Variants in PHACTR3 observed in about 807,000 individuals in gnomAD.
PHACTR3 encodes the protein phosphatase and actin regulator 3.
A neutral mutation model predicts 66.8 loss-of-function variants in PHACTR3; 16 were observed. That is an observed-to-expected ratio of 0.24 (90% confidence interval 0.16 to 0.36). PHACTR3 has a LOEUF of 0.36. Ranked by LOEUF, PHACTR3 falls within the 10% of genes least tolerant of loss-of-function variation. PHACTR3 has a pLI of 1.00. For missense variants in PHACTR3, 647 were observed against 719.9 expected, an observed-to-expected ratio of 0.90 and a Z score of 1.16; for synonymous variants, 323 against 292.1, an observed-to-expected ratio of 1.11 and a Z score of -1.08.
chr20:59,769,246 C>T (rs1459460285), intron 5 of PHACTR3, among the ~76,000 whole-genome samples: 1 of 152,210 alleles, frequency 6.6e-6, no homozygotes, highest in African/African-American at 2.4e-5. Flanking sequence ...AATGGTGTCA[C>T]CCCAAAATTC....
At chr20:59,822,315 A>T (rs528669958) in intron 8 of PHACTR3, among the ~76,000 whole-genome samples, 2 of 125,240 alleles carry the variant, frequency 1.6e-5, no homozygotes, top group Non-Finnish European at 3.3e-5. Context: ...TCAGCAACAG[A>T]TGTTTCCTGA....
rs201118563 is a variant in PHACTR3, at chr20:59,767,334, C to A, written c.690C>A (p.Ser230Arg). 2.3e-4 allele frequency: 370 copies of A among 1,614,010 alleles called. No homozygotes were observed. The highest frequency in any genetic ancestry group is 2.7e-4 in the Non-Finnish European group (322 of 1,180,040). The change falls in exon 5 of 13, where the codon AGC (serine) becomes AGA (arginine). Residue 230 changes from serine to arginine, a missense_variant. By Grantham distance (110) the Ser-to-Arg change is moderately radical. Transcript: ENST00000371015. ...AGAGATCCGTGGGCCAGCTCCCCAG[C>A]CCCCCACTGCTGCCCACTCCGCCAC... Reference protein sequence around the residue: ...PLERSVGQLPSPPLLPTPPPK... With the variant: ...PLERSVGQLPRPPLLPTPPPK...
At chr20:59,844,016 G>A (rs1431562853) in intron 11 of PHACTR3, 5 of 152,030 alleles carry the variant, frequency 3.3e-5, no homozygotes, top group Non-Finnish European at 7.4e-5. Flanking sequence ...CAAAAGACAT[G>A]AGTAGACATT....
At chr20:59,755,435 C>A in intron 4 of PHACTR3, 71 bp downstream of exon 4, 1 of 1,509,384 alleles carries the variant, frequency 6.6e-7, no homozygotes. Flanking sequence ...TTGTCCTTGG[C>A]TATAGCTTAG....
intron 1 of PHACTR3, among the ~76,000 whole-genome samples, chr20:59,722,310 G>A (rs1198006913): frequency 2.0e-5 from 3 of 151,960 alleles, no homozygotes; most frequent in African/African-American, 7.2e-5. Flanking sequence ...GGTGGGCAGG[G>A]TGGGCACCTC....
chr20:59,799,135 G>T (rs902924386), intron 7 of PHACTR3, among the ~76,000 whole-genome samples: 1 of 151,840 alleles, frequency 6.6e-6, no homozygotes, highest in Non-Finnish European at 1.5e-5. Context: ...TTTCCACTCT[G>T]GTCAGAGAAC....
chr20:59,815,432 G>GTTT (rs761210737), intron 8 of PHACTR3, among the ~76,000 whole-genome samples: 1 of 130,346 alleles, frequency 7.7e-6, no homozygotes, highest in African/African-American at 2.9e-5. Flanking sequence ...TTTTTTTTTT[G>GTTT]TTTTTTTTTT....
In PHACTR3 at chr20:59,610,231, C is replaced by T. The variant is rs577419114; in HGVS notation, c.118+5099C>T. 5.3e-4 allele frequency among the ~76,000 whole-genome samples: 81 copies of T among 152,344 alleles called. 1 individual carries two copies. Among genetic ancestry groups the T allele is most frequent in the South Asian group, 2.1e-3 (10 of 4,828 alleles). ...CATCATGCCTCTGCACTCCAACCTG[C>T]GTGACAGAGGTAGACCCTGTCTCCA... is the stretch of plus-strand genomic sequence containing the variant. On this transcript the variant is annotated intron_variant, in intron 1 of 12. Transcript: ENST00000371015.
chr20:59,789,203 G>C (rs2041016903), intron 7 of PHACTR3, among the ~76,000 whole-genome samples: 1 of 152,234 alleles, frequency 6.6e-6, no homozygotes, highest in African/African-American at 2.4e-5. Flanking sequence ...AGGGTGCAGG[G>C]AGGTGGCCTC....
At chr20:59,824,721 C>A (rs1021897951) in intron 8 of PHACTR3, among the ~76,000 whole-genome samples, 2 of 152,204 alleles carry the variant, frequency 1.3e-5, no homozygotes, top group Non-Finnish European at 1.5e-5. Context: ...ATGCATCTGT[C>A]ATTTTTGACC....
At chr20:59,807,827 A>G (rs1265560863) in intron 8 of PHACTR3, among the ~76,000 whole-genome samples, 2 of 152,180 alleles carry the variant, frequency 1.3e-5, no homozygotes, top group Admixed American at 1.3e-4. Context: ...CATGAGGTGC[A>G]TGTCTGTGCA....
chr20:59,824,462 C>G (rs183270253), intron 8 of PHACTR3, among the ~76,000 whole-genome samples: 9 of 152,338 alleles, frequency 5.9e-5, no homozygotes, highest in African/African-American at 1.9e-4. Context: ...CTTTTATCTT[C>G]CCCAGAGTCT....
At chr20:59,579,106 G>A (rs1568912701) in intron 1 of PHACTR3, among the ~76,000 whole-genome samples, 1 of 152,190 alleles carries the variant, frequency 6.6e-6, no homozygotes, top group Non-Finnish European at 1.5e-5. Flanking sequence ...AAGAACAGTG[G>A]GGCATATTCT....
rs1039490454 is a variant in PHACTR3 at position 59,637,140 on chromosome 20, G to A, written c.118+32008G>A. 2.0e-5 allele frequency among the ~76,000 whole-genome samples: 3 copies of A among 152,220 alleles called. No individual in the cohort carries two copies. In the South Asian group the frequency reaches 6.2e-4, roughly 31 times the overall value. On this transcript the variant is annotated intron_variant, in intron 1 of 12. Transcript: ENST00000371015. ...CTGCAGGTTTGTGGCTTTGTTTCCTGTATGGGGTCTGAAGGTGAGCAGTAC... is the reference window on the plus strand; with the variant it reads ...CTGCAGGTTTGTGGCTTTGTTTCCTATATGGGGTCTGAAGGTGAGCAGTAC...
At chr20:59,742,993 G>C (rs1338819813) in intron 1 of PHACTR3, 114 bp from the exon 2 acceptor site, 2 of 1,242,988 alleles carry the variant, frequency 1.6e-6, no homozygotes, top group African/African-American at 3.0e-5. Context: ...CTGGGGTCCA[G>C]GCTTTGGGGG....
At chr20:59,760,003 T>C (rs1467942597) in intron 4 of PHACTR3, among the ~76,000 whole-genome samples, 1 of 152,140 alleles carries the variant, frequency 6.6e-6, no homozygotes, top group African/African-American at 2.4e-5. Flanking sequence ...GTGGTGCTCA[T>C]TGCTGTCCTG....
In PHACTR3 at chr20:59,803,927, G is replaced by A. The variant is rs945252786; in HGVS notation, c.1175-2114G>A. Reference sequence around the variant, plus strand: ...GTCTGTCACACAATCTAGACTGAAAGCTCTCCGTCCGTCCCTGCACCTGTT... The same window carrying A: ...GTCTGTCACACAATCTAGACTGAAAACTCTCCGTCCGTCCCTGCACCTGTT... On this transcript the variant is annotated intron_variant, in intron 7 of 12. Transcript: ENST00000371015. 7.2e-5 allele frequency among the ~76,000 whole-genome samples: 11 copies of A among 152,278 alleles called. No individual in the cohort carries two copies. The South Asian group carries it at 1.7e-3, about 23-fold the overall frequency.
intron 3 of PHACTR3, among the ~76,000 whole-genome samples, chr20:59,752,825 C>T (rs539509187): frequency 6.6e-6 from 1 of 152,340 alleles, no homozygotes; most frequent in Non-Finnish European, 1.5e-5. Flanking sequence ...GGCAGCCTTG[C>T]CTGTCACATA....
chr20:59,831,067 C>G (rs1477484479), intron 8 of PHACTR3, among the ~76,000 whole-genome samples: 1 of 152,122 alleles, frequency 6.6e-6, no homozygotes, highest in Non-Finnish European at 1.5e-5. Context: ...GTGCTACTCA[C>G]AGCACAGGGC....
Sources: allele counts gnomAD v4.1 joint callset (sites outside exome capture counted in the v4.1 genomes callset), GRCh38; gene constraint gnomAD v4.1.1; transcripts MANE v1.5; gene names NCBI Gene and HGNC (gene_info 2026-07-23, HGNC 2026-07-21).